JARID2: variants seen among roughly 807,000 people sequenced by gnomAD.
The protein encoded by JARID2 is protein Jumonji.
JARID2 carries 21 observed loss-of-function variants against 125.6 expected under a neutral mutation model. That is an observed-to-expected ratio of 0.17 (90% CI 0.12 to 0.24). The LOEUF (loss-of-function observed/expected upper bound fraction) is 0.24. JARID2 is among the 10% of genes least tolerant of loss of function. The pLI is 1.00. For missense variants in JARID2, 1,303 were observed against 1,639.6 expected (o/e 0.79, Z 3.55); for synonymous variants, 736 against 661.6 (o/e 1.11, Z -1.73).
chr6:15,350,314 A>G (rs1344408707), intron 1 of JARID2, among the ~76,000 whole-genome samples: 2 of 152,222 alleles, frequency 1.3e-5, no homozygotes, highest in East Asian at 1.9e-4. Context: ...AGCACCTGAA[A>G]TGAAGGAAAT....
At chr6:15,383,977 A>G (rs1764688187) in intron 2 of JARID2, among the ~76,000 whole-genome samples, 1 of 151,178 alleles carries the variant, frequency 6.6e-6, no homozygotes, top group Non-Finnish European at 1.5e-5. Context: ...TATTTTTAGT[A>G]GAGATGGAGT....
At position 15,356,278 on chromosome 6, in the gene JARID2, C is replaced by T. The variant is rs553432545; in HGVS notation, c.46-17839C>T. Among the ~76,000 whole-genome samples the T allele has an allele frequency of 3.3e-5, 5 of 152,220 alleles. No homozygotes were observed. In the South Asian group the frequency reaches 8.3e-4, roughly 25 times the overall value. ...ATGCTGCTGTGAACATTTGTGTTCA[C>T]GTTTTACATGAGTGCCCAGGAATAG... On this transcript the variant is annotated intron_variant, in intron 1 of 17. Transcript: ENST00000341776.
At chr6:15,281,924 C>CTGTGTGTGTGTG (rs3138771) in intron 1 of JARID2, among the ~76,000 whole-genome samples, 103 of 146,264 alleles carry the variant, frequency 7.0e-4, no homozygotes, top group African/African-American at 2.4e-3. Flanking sequence ...GGTATGTGCT[C>CTGTGTGTGTGTG]TGTGTGTGTG....
intron 6 of JARID2, among the ~76,000 whole-genome samples, chr6:15,492,078 C>T (rs756753023): frequency 7.9e-5 from 12 of 152,202 alleles, no homozygotes; most frequent in Admixed American, 2.6e-4. Flanking sequence ...ATCTCATGGC[C>T]GTGTGCCTGG....
At chr6:15,459,274 C>T (rs149209892) in intron 4 of JARID2, among the ~76,000 whole-genome samples, 72 of 152,324 alleles carry the variant, frequency 4.7e-4, no homozygotes, top group African/African-American at 1.6e-3. Context: ...CATGGATACT[C>T]AAGTCCATTA....
intron 1 of JARID2, among the ~76,000 whole-genome samples, chr6:15,300,683 T>TG (rs1554121152): frequency 7.0e-5 from 8 of 114,402 alleles, no homozygotes; most frequent in Admixed American, 4.4e-4. Flanking sequence ...TGTCCTCATG[T>TG]TGTGTGTGTG....
At chr6:15,280,628 GCT>G (rs2127374452) in intron 1 of JARID2, among the ~76,000 whole-genome samples, 1 of 137,476 alleles carries the variant, frequency 7.3e-6, no homozygotes, top group Admixed American at 7.3e-5. Flanking sequence ...CCCACACCCT[GCT>G]TTTTTTTTTT....
In JARID2 at chr6:15,423,025, G is replaced by T. The variant is rs190887952; in HGVS notation, c.323+12660G>T. Among the ~76,000 whole-genome samples, 628 of 149,280 alleles carry T rather than the reference G, an allele frequency of 4.2e-3. 6 individuals carry two copies. Among genetic ancestry groups the T allele is most frequent in the Admixed American group, 0.023 (349 of 14,928 alleles). On this transcript the variant is annotated intron_variant, in intron 3 of 17. Transcript: ENST00000341776. The stretch of plus-strand genomic sequence containing the variant: ...TTTTTTAAACATTTATTTGAGACAG[G>T]GCCTGGCTCTGTTGCCCAGGCTGGA...
chr6:15,340,005 G>C (rs1433322727), intron 1 of JARID2, among the ~76,000 whole-genome samples: 1 of 151,770 alleles, frequency 6.6e-6, no homozygotes, highest in Middle Eastern at 3.2e-3. Flanking sequence ...TGCTGCCCAG[G>C]CTGCAGTGCA....
chr6:15,504,700 A>C (rs962445649), intron 9 of JARID2, 108 bp downstream of exon 9: 55 of 720,720 alleles, frequency 7.6e-5, no homozygotes, highest in Admixed American at 3.7e-4. Flanking sequence ...AACGGAAAGG[A>C]CTCAGATGGG....
In JARID2 at chr6:15,521,784, T is replaced by C. The variant is rs1057051452; in HGVS notation, c.*1533T>C. The C allele has an allele frequency of 1.3e-5, 2 of 152,228 alleles. No individual in the cohort carries two copies. Among genetic ancestry groups the C allele is most frequent in the Non-Finnish European group, 2.9e-5 (2 of 68,038 alleles). The allele number at this position is 152,228 out of a possible 1,614,324, so 9.4% of individuals were successfully genotyped here. A position where few individuals can be genotyped will look rare whatever the true frequency, so the allele number is the denominator to read the frequency against. Reference sequence around the variant, plus strand: ...TGAACTGTTTTGGAATATTTAACAATTACAGAAACAGTCAAGTGTTTTCCA... The same window carrying C: ...TGAACTGTTTTGGAATATTTAACAACTACAGAAACAGTCAAGTGTTTTCCA... On this transcript the variant is annotated 3_prime_UTR_variant, in exon 18 of 18. Coordinates refer to ENST00000341776, the MANE Select transcript of JARID2 (RefSeq NM_004973.4).
chr6:15,270,560 A>T (rs1373729991), intron 1 of JARID2, among the ~76,000 whole-genome samples: 1 of 152,198 alleles, frequency 6.6e-6, no homozygotes, highest in African/African-American at 2.4e-5. Context: ...GAGTCATGTC[A>T]GGTTACCAGA....
At chr6:15,511,270 G>C in intron 12 of JARID2, 26 bp from the exon 13 acceptor site, 1 of 1,526,914 alleles carries the variant, frequency 6.5e-7, no homozygotes, top group Non-Finnish European at 9.1e-7. Flanking sequence ...GTCTCTGCTT[G>C]TCTCTTGTGT....
intron 4 of JARID2, 47 bp from the exon 5 acceptor site, chr6:15,468,495 T>C (rs1438768355): frequency 1.7e-6 from 1 of 600,674 alleles, no homozygotes; most frequent in East Asian, 7.8e-5. Context: ...CTGGAAAGGG[T>C]GAGGGTCAAG....
chr6:15,362,403 T>C, intron 1 of JARID2, among the ~76,000 whole-genome samples: 1 of 152,194 alleles, frequency 6.6e-6, no homozygotes, highest in East Asian at 1.9e-4. Flanking sequence ...GAATGGACTT[T>C]TTATTCTTGT....
intron 1 of JARID2, among the ~76,000 whole-genome samples, chr6:15,256,513 T>G (rs1338082499): frequency 6.6e-6 from 1 of 152,242 alleles, no homozygotes; most frequent in East Asian, 1.9e-4. Flanking sequence ...TTAGTGGCTC[T>G]CTGGTCCTCA....
chr6:15,370,361 G>C (rs1764121220), intron 1 of JARID2, among the ~76,000 whole-genome samples: 1 of 123,146 alleles, frequency 8.1e-6, no homozygotes, highest in African/African-American at 3.1e-5. Flanking sequence ...TTAAAGACTT[G>C]CTCTGTCACC....
chr6:15,339,787 G>A (rs1346793242), intron 1 of JARID2, among the ~76,000 whole-genome samples: 4 of 151,976 alleles, frequency 2.6e-5, no homozygotes, highest in African/African-American at 7.3e-5. Flanking sequence ...TGCCCTCGTC[G>A]GCCTCCCAAA....
At chr6:15,417,399 C>T (rs1766280133) in intron 3 of JARID2, among the ~76,000 whole-genome samples, 1 of 152,108 alleles carries the variant, frequency 6.6e-6, no homozygotes, top group Non-Finnish European at 1.5e-5. Context: ...GTAGTAACTG[C>T]CTGATGGTGT....
Sources: allele counts gnomAD v4.1 joint callset (sites outside exome capture counted in the v4.1 genomes callset), GRCh38; gene constraint gnomAD v4.1.1; transcripts MANE v1.5; gene names NCBI Gene and HGNC (gene_info 2026-07-23, HGNC 2026-07-21).